Variants in MKLN1 observed in about 807,000 individuals in gnomAD.
MKLN1 encodes the protein muskelin 1, also known as muskelin.
MKLN1 carries 18 observed loss-of-function variants against 99.0 expected under a neutral mutation model. The observed-to-expected ratio is 0.18, with a 90% CI of 0.13 to 0.27. The LOEUF is 0.27. Ranked by LOEUF, MKLN1 falls within the 10% of genes least tolerant of loss-of-function variation. MKLN1 has a pLI of 1.00. For synonymous variants in MKLN1, 288 were observed against 293.2 expected (o/e 0.98, Z 0.18); for missense variants, 621 against 875.9 (o/e 0.71, Z 3.67).
chr7:131,345,145 G>A (rs1799521538), intron 1 of MKLN1, among the ~76,000 whole-genome samples: 1 of 152,198 alleles, frequency 6.6e-6, no homozygotes, highest in Non-Finnish European at 1.5e-5. Context: ...CTCGTTATGC[G>A]ATTTTTGGCA....
intron 15 of MKLN1, among the ~76,000 whole-genome samples, chr7:131,470,297 G>T (rs1796781950): frequency 6.6e-6 from 1 of 152,118 alleles, no homozygotes; most frequent in African/African-American, 2.4e-5. Context: ...CTTGATAAGT[G>T]GTTGCTGCAG....
intron 1 of MKLN1, among the ~76,000 whole-genome samples, chr7:131,113,998 C>T (rs1270656271): frequency 3.9e-5 from 6 of 152,152 alleles, no homozygotes; most frequent in South Asian, 4.1e-4. Context: ...TCCCTCAGCA[C>T]GTGGGGCTAA....
At chr7:131,330,583 C>T (rs969113459) in intron 1 of MKLN1, among the ~76,000 whole-genome samples, 1 of 152,198 alleles carries the variant, frequency 6.6e-6, no homozygotes, top group South Asian at 2.1e-4. Context: ...TCAGGCTCCA[C>T]AGTCTGTGGT....
At chr7:131,307,108 AAGGT>A (rs1293395618) in intron 3 of MKLN1, among the ~76,000 whole-genome samples, 2 of 152,058 alleles carry the variant, frequency 1.3e-5, no homozygotes, top group Non-Finnish European at 2.9e-5. Flanking sequence ...AAAAGGGGCC[AAGGT>A]ACAGCTTGGG....
chr7:131,245,526 G>A (rs749719991), intron 3 of MKLN1, among the ~76,000 whole-genome samples: 19 of 152,120 alleles, frequency 1.2e-4, no homozygotes, highest in African/African-American at 3.4e-4. Context: ...CCCCGCCCCC[G>A]GCCTCGGCCT....
intron 3 of MKLN1, among the ~76,000 whole-genome samples, chr7:131,314,806 G>A (rs76257273): frequency 0.062 from 9,443 of 151,972 alleles, 349 homozygotes; most frequent in East Asian, 0.18. Flanking sequence ...GTGTTGCTCT[G>A]TCACACAAGC....
chr7:131,258,999 G>GT (rs1797695832), intron 3 of MKLN1, among the ~76,000 whole-genome samples: 1 of 152,126 alleles, frequency 6.6e-6, no homozygotes, highest in African/African-American at 2.4e-5. Context: ...GAATGTGAGG[G>GT]TAACAGGGGA....
intron 3 of MKLN1, among the ~76,000 whole-genome samples, chr7:131,237,444 T>G (rs984743687): frequency 6.6e-6 from 1 of 152,168 alleles, no homozygotes; most frequent in Admixed American, 6.5e-5. Context: ...GTGGAATGAC[T>G]TGTCTAAGGT....
At chr7:131,331,486 G>C (rs1339948868) in intron 1 of MKLN1, among the ~76,000 whole-genome samples, 1 of 152,160 alleles carries the variant, frequency 6.6e-6, no homozygotes, top group Non-Finnish European at 1.5e-5. Context: ...AGGTCTAAGA[G>C]TTGAAAATGT....
chr7:131,296,892 A>G (rs1290027883), intron 3 of MKLN1, among the ~76,000 whole-genome samples: 1 of 152,072 alleles, frequency 6.6e-6, no homozygotes, highest in African/African-American at 2.4e-5. Context: ...GGGTGCCACC[A>G]TGCCCAGCTA....
At chr7:131,195,784 C>T (rs1215676581) in intron 2 of MKLN1, among the ~76,000 whole-genome samples, 1 of 151,910 alleles carries the variant, frequency 6.6e-6, no homozygotes, top group South Asian at 2.1e-4. Flanking sequence ...AACCCTGTCT[C>T]TACTAAAAAT....
chr7:131,440,912 TAA>T (rs1241053863), intron 10 of MKLN1, among the ~76,000 whole-genome samples: 3 of 152,096 alleles, frequency 2.0e-5, no homozygotes, highest in African/African-American at 7.2e-5. Context: ...CTATAAAAGA[TAA>T]GAGATCATTT....
In MKLN1 at chr7:131,404,925, A is replaced by AAAACAAACAAACAAAC. The variant is rs58745921; in HGVS notation, c.703+5502_703+5517dup. ...TTACTTCTTTATTTTATACTTGGTT[A>AAAACAAACAAACAAAC]AAACAAACAAACAAACAAACAAACA... On this transcript the variant is annotated intron_variant, in intron 6 of 17. Coordinates refer to ENST00000352689, the MANE Select transcript of MKLN1 (RefSeq NM_013255.5). Among the ~76,000 whole-genome samples the AAAACAAACAAACAAAC allele has an allele frequency of 1.8e-3, 267 of 151,016 alleles. 1 individual carries two copies. The highest frequency in any genetic ancestry group is 6.8e-3 in the Middle Eastern group (2 of 294).
chr7:131,466,363 C>A lies in MKLN1; in HGVS notation c.1876C>A (p.Pro626Thr), dbSNP rs781471428. 1 of 1,601,660 alleles carries A rather than the reference C, an allele frequency of 6.2e-7. No individual in the cohort carries two copies. Among genetic ancestry groups the A allele is most frequent in the Admixed American group, 1.7e-5 (1 of 59,518 alleles). The change falls in exon 15 of 18, where the codon CCT becomes ACT. Residue 626 changes from proline to threonine, a missense_variant. By Grantham distance (38) the Pro-to-Thr change is conservative (BLOSUM62 -1). This residue lies in a region of MKLN1 where 126 missense variants were observed against 157.4 expected (regional missense o/e 0.80). Coordinates refer to ENST00000352689, the MANE Select transcript of MKLN1 (RefSeq NM_013255.5). Reference sequence around the variant, plus strand: ...CTTCTGGTCACTGAAGTTGTGTAGACCTTCAAAAGATTATTTACTGAGGCA... The same window carrying A: ...CTTCTGGTCACTGAAGTTGTGTAGAACTTCAAAAGATTATTTACTGAGGCA... Reference protein sequence around the residue: ...DDFWSLKLCRPSKDYLLRHCK... With the variant: ...DDFWSLKLCRTSKDYLLRHCK...
chr7:131,206,716 C>T lies in MKLN1; in HGVS notation c.-179+3742C>T, dbSNP rs1355241835. On this transcript the variant is annotated intron_variant, in intron 3 of 7. Coordinates refer to the MKLN1 transcript ENST00000416992. ...GACTACAGGCGTGCGCCACCGTGGC[C>T]GGCTAATTTTGTTTATTTTTTTAGA... Among the ~76,000 whole-genome samples the T allele has an allele frequency of 5.9e-5, 9 of 151,710 alleles. No homozygotes were observed. In the East Asian group the frequency reaches 9.6e-4, roughly 16 times the overall value.
At chr7:131,188,743 G>C (rs1444448597) in intron 2 of MKLN1, among the ~76,000 whole-genome samples, 1 of 152,096 alleles carries the variant, frequency 6.6e-6, no homozygotes, top group Non-Finnish European at 1.5e-5. Flanking sequence ...GAAACAGGAG[G>C]GACAGAATTG....
At chr7:131,394,582 G>A (rs1794302112) in intron 4 of MKLN1, among the ~76,000 whole-genome samples, 1 of 152,056 alleles carries the variant, frequency 6.6e-6, no homozygotes, top group Admixed American at 6.5e-5. Flanking sequence ...CCTGCCATGC[G>A]TCTGGGTTCC....
intron 12 of MKLN1, among the ~76,000 whole-genome samples, chr7:131,455,251 T>G (rs1796297952): frequency 6.9e-6 from 1 of 144,394 alleles, no homozygotes; most frequent in African/African-American, 2.9e-5. Context: ...ATTTGTTAAC[T>G]TTTTTTTTAT....
chr7:131,402,458 A>G (rs1366137756), intron 6 of MKLN1, among the ~76,000 whole-genome samples: 2 of 152,152 alleles, frequency 1.3e-5, no homozygotes, highest in Non-Finnish European at 2.9e-5. Flanking sequence ...ACTCTTGTTT[A>G]TGTTGATATT....
Sources: gnomAD v4.1 joint callset for allele counts (sites outside exome capture counted in the v4.1 genomes callset) on GRCh38, gnomAD v4.1.1 for gene constraint, gnomAD v4.1.1 regional missense constraint, MANE v1.5 for transcripts, NCBI Gene and HGNC (gene_info 2026-07-23, HGNC 2026-07-21) for gene names.